The following DPP10 variants were observed in gnomAD, a reference collection of about 807,000 sequenced individuals.
DPP10 encodes dipeptidyl peptidase like 10, also known as inactive dipeptidyl peptidase 10.
Under a neutral mutation model 120.9 loss-of-function variants are expected in DPP10, and 33 were observed. That is an observed-to-expected ratio of 0.27 (90% CI 0.21 to 0.37). The LOEUF (loss-of-function observed/expected upper bound fraction) is 0.37. Ranked by LOEUF, DPP10 falls within the 10% of genes least tolerant of loss-of-function variation. The pLI is 1.00. For missense variants in DPP10, 816 were observed against 942.8 expected (o/e 0.87, Z 1.76); for synonymous variants, 337 against 326.1 (o/e 1.03, Z -0.36).
intron 7 of DPP10, among the ~76,000 whole-genome samples, chr2:115,727,465 G>A (rs968302570): frequency 5.9e-5 from 9 of 152,116 alleles, no homozygotes; most frequent in African/African-American, 9.7e-5. Context: ...ATGGCTTATA[G>A]TTACAGTTAT....
At chr2:114,892,490 A>T (rs1364421487) in intron 1 of DPP10, among the ~76,000 whole-genome samples, 1 of 152,220 alleles carries the variant, frequency 6.6e-6, no homozygotes, top group Admixed American at 6.5e-5. Context: ...ATAATCTATG[A>T]TCCAGCTTGT....
chr2:114,615,877 G>T (rs1693635979), intron 1 of DPP10, among the ~76,000 whole-genome samples: 1 of 152,206 alleles, frequency 6.6e-6, no homozygotes, highest in South Asian at 2.1e-4. Flanking sequence ...GAGTGCTAAA[G>T]AATACAGAGT....
intron 1 of DPP10, among the ~76,000 whole-genome samples, chr2:114,530,890 A>G (rs1470792338): frequency 6.6e-6 from 1 of 152,164 alleles, no homozygotes; most frequent in East Asian, 1.9e-4. Flanking sequence ...TAGGGAATCT[A>G]TATTATACAT....
chr2:115,343,779 T>G, intron 2 of DPP10, 38 bp from the exon 3 acceptor site: 1 of 1,465,348 alleles, frequency 6.8e-7, no homozygotes, highest in Non-Finnish European at 9.4e-7. Context: ...AAAACAAGCA[T>G]AAGATAGGCA....
intron 11 of DPP10, among the ~76,000 whole-genome samples, chr2:115,759,291 G>A (rs1253256930): frequency 6.6e-6 from 1 of 151,778 alleles, no homozygotes; most frequent in East Asian, 1.9e-4. Context: ...AGGTATGGTG[G>A]CTCATCCTTG....
intron 5 of DPP10, among the ~76,000 whole-genome samples, chr2:115,586,788 T>G (rs2082315347): frequency 6.6e-6 from 1 of 152,212 alleles, no homozygotes; most frequent in African/African-American, 2.4e-5. Flanking sequence ...AGTAGCATTA[T>G]ATTCTTACTT....
intron 1 of DPP10, among the ~76,000 whole-genome samples, chr2:114,917,926 G>A (rs1336729374): frequency 6.6e-6 from 1 of 151,960 alleles, no homozygotes; most frequent in Non-Finnish European, 1.5e-5. Flanking sequence ...AGACCCCAAA[G>A]CAATGGCAAC....
At chr2:114,834,970 C>T (rs933461867) in intron 1 of DPP10, among the ~76,000 whole-genome samples, 6 of 147,632 alleles carry the variant, frequency 4.1e-5, no homozygotes, top group Admixed American at 3.4e-4. Context: ...TATCTACACA[C>T]CTATGTATAT....
chr2:115,243,661 A>G (rs1300571435), intron 1 of DPP10, among the ~76,000 whole-genome samples: 1 of 152,156 alleles, frequency 6.6e-6, no homozygotes, highest in Non-Finnish European at 1.5e-5. Context: ...AAGGCCATAC[A>G]TAGTCCAAGC....
intron 1 of DPP10, among the ~76,000 whole-genome samples, chr2:114,626,686 T>G (rs1449047450): frequency 6.6e-6 from 1 of 152,050 alleles, no homozygotes; most frequent in African/African-American, 2.4e-5. Context: ...TGAAAACACT[T>G]CAGAAACTGC....
intron 1 of DPP10, among the ~76,000 whole-genome samples, chr2:114,494,120 AACC>A (rs1682275941): frequency 6.6e-6 from 1 of 150,442 alleles, no homozygotes; most frequent in African/African-American, 2.5e-5. Context: ...AAAAAAAAAA[AACC>A]CAGCAAATTG....
chr2:115,725,009 G>C (rs2092731787), intron 7 of DPP10, among the ~76,000 whole-genome samples: 1 of 152,054 alleles, frequency 6.6e-6, no homozygotes, highest in African/African-American at 2.4e-5. Context: ...CCTCCCACCA[G>C]GCCTCATCTC....
chr2:114,990,962 C>A (rs964780399), intron 1 of DPP10, among the ~76,000 whole-genome samples: 1 of 152,082 alleles, frequency 6.6e-6, no homozygotes, highest in Non-Finnish European at 1.5e-5. Flanking sequence ...AAATAGCAAA[C>A]AACAAATGAC....
intron 1 of DPP10, among the ~76,000 whole-genome samples, chr2:114,576,079 G>GA (rs1690025657): frequency 6.6e-6 from 1 of 152,176 alleles, no homozygotes; most frequent in Non-Finnish European, 1.5e-5. Flanking sequence ...CAAACTGCTG[G>GA]TTACCCCCAA....
At chr2:114,478,173 C>T (rs1288242679) in intron 1 of DPP10, among the ~76,000 whole-genome samples, 1 of 151,818 alleles carries the variant, frequency 6.6e-6, no homozygotes, top group Admixed American at 6.6e-5. Flanking sequence ...AAATTTTCAA[C>T]AATATGTTAG....
intron 1 of DPP10, among the ~76,000 whole-genome samples, chr2:114,520,612 T>A (rs974753534): frequency 1.3e-5 from 2 of 152,246 alleles, no homozygotes; most frequent in African/African-American, 4.8e-5. Context: ...ACCTTGCTTC[T>A]CTTTATGAAA....
At chr2:115,817,901 G>A (rs1188474652) in intron 21 of DPP10, among the ~76,000 whole-genome samples, 1 of 152,100 alleles carries the variant, frequency 6.6e-6, no homozygotes, top group Non-Finnish European at 1.5e-5. Flanking sequence ...TGAAAAAAAA[G>A]AGTGAAATGG....
intron 1 of DPP10, among the ~76,000 whole-genome samples, chr2:115,068,750 G>C (rs1707130390): frequency 6.6e-6 from 1 of 152,122 alleles, no homozygotes; most frequent in East Asian, 1.9e-4. Flanking sequence ...TATGTAGACA[G>C]TGTGAGATAA....
chr2:115,055,589 T>C (rs1344106322), intron 1 of DPP10, among the ~76,000 whole-genome samples: 3 of 152,192 alleles, frequency 2.0e-5, no homozygotes, highest in African/African-American at 7.2e-5. Flanking sequence ...ATTTTCATAG[T>C]AAACCTCAAA....
Sources: allele counts gnomAD v4.1 joint callset (sites outside exome capture counted in the v4.1 genomes callset), GRCh38; gene constraint gnomAD v4.1.1; transcripts MANE v1.5; gene names NCBI Gene and HGNC (gene_info 2026-07-23, HGNC 2026-07-21).